The following NEGR1 variants were observed in gnomAD, a reference collection of about 807,000 sequenced individuals.
NEGR1 encodes neuronal growth regulator 1.
In NEGR1, 10 loss-of-function variants were observed where a neutral mutation model predicts 40.9. That is an observed-to-expected ratio of 0.24 (90% CI 0.15 to 0.42). The LOEUF (loss-of-function observed/expected upper bound fraction) is 0.42. Among genes scored for constraint, NEGR1 ranks in the 10% least tolerant of loss-of-function variants. The pLI, the probability that NEGR1 is intolerant of heterozygous loss-of-function variation, is 1.00. For synonymous variants in NEGR1, 185 were observed against 166.8 expected (o/e 1.11, Z -0.84); for missense variants, 352 against 438.9 (o/e 0.80, Z 1.77).
intron 1 of NEGR1, among the ~76,000 whole-genome samples, chr1:72,242,498 T>G (rs1415528604): frequency 1.3e-5 from 2 of 151,692 alleles, no homozygotes; most frequent in Non-Finnish European, 3.0e-5. Context: ...TTGACTGATT[T>G]TAGGTCCCTA....
At chr1:72,111,974 C>T (rs891629394) in intron 1 of NEGR1, among the ~76,000 whole-genome samples, 4 of 151,652 alleles carry the variant, frequency 2.6e-5, no homozygotes, top group South Asian at 2.1e-4. Flanking sequence ...ACTTAGGTGA[C>T]GATCATTAAG....
At chr1:71,783,991 A>C (rs1384706827) in intron 2 of NEGR1, among the ~76,000 whole-genome samples, 1 of 152,062 alleles carries the variant, frequency 6.6e-6, no homozygotes, top group Non-Finnish European at 1.5e-5. Flanking sequence ...TCCTACAAAG[A>C]CTTATTCCCA....
chr1:72,025,189 T>A (rs1014927429), intron 1 of NEGR1, among the ~76,000 whole-genome samples: 1 of 152,192 alleles, frequency 6.6e-6, no homozygotes, highest in Non-Finnish European at 1.5e-5. Context: ...AACGTTTACA[T>A]TGACTCCATC....
chr1:71,797,702 T>G (rs1021585351), intron 2 of NEGR1, among the ~76,000 whole-genome samples: 16 of 152,154 alleles, frequency 1.1e-4, no homozygotes, highest in African/African-American at 3.6e-4. Context: ...TCCTGTTTTC[T>G]TTTTTTAAGT....
At chr1:72,001,159 T>C (rs1276604465) in intron 1 of NEGR1, among the ~76,000 whole-genome samples, 4 of 152,220 alleles carry the variant, frequency 2.6e-5, no homozygotes, top group Middle Eastern at 6.8e-3. Flanking sequence ...CCAGACCTCA[T>C]CGGCTTCTTA....
intron 3 of NEGR1, among the ~76,000 whole-genome samples, chr1:71,745,991 C>T (rs968906208): frequency 1.3e-5 from 2 of 152,164 alleles, no homozygotes; most frequent in Non-Finnish European, 2.9e-5. Context: ...CTAAACAGAC[C>T]TTGCTGAGTT....
chr1:72,130,423 T>C (rs986208857), intron 1 of NEGR1, among the ~76,000 whole-genome samples: 1 of 152,198 alleles, frequency 6.6e-6, no homozygotes, highest in Non-Finnish European at 1.5e-5. Flanking sequence ...CTTCCAGATA[T>C]ACTGGAGTAC....
At chr1:71,942,705 T>C (rs1645977699) in intron 1 of NEGR1, among the ~76,000 whole-genome samples, 1 of 141,610 alleles carries the variant, frequency 7.1e-6, no homozygotes. Context: ...GGTTTCACCG[T>C]TTTAGCCGGG....
chr1:71,727,904 G>T (rs1263317948), intron 3 of NEGR1, among the ~76,000 whole-genome samples: 1 of 152,126 alleles, frequency 6.6e-6, no homozygotes, highest in East Asian at 1.9e-4. Context: ...GCGAAGCCTT[G>T]TAAGTATGAA....
intron 1 of NEGR1, among the ~76,000 whole-genome samples, chr1:71,970,641 T>C (rs891569616): frequency 6.6e-6 from 1 of 151,980 alleles, no homozygotes; most frequent in African/African-American, 2.4e-5. Context: ...TGAGCCGAGA[T>C]AGTGCCACTG....
intron 6 of NEGR1, among the ~76,000 whole-genome samples, chr1:71,455,579 G>T (rs1490534924): frequency 6.6e-6 from 1 of 152,130 alleles, no homozygotes; most frequent in African/African-American, 2.4e-5. Context: ...CAAAAAATCA[G>T]CTGGGCGTGG....
At chr1:71,743,064 C>T (rs1313799080) in intron 3 of NEGR1, among the ~76,000 whole-genome samples, 5 of 152,126 alleles carry the variant, frequency 3.3e-5, no homozygotes, top group Non-Finnish European at 7.3e-5. Flanking sequence ...ATCTGCAACC[C>T]GGGAAGAGGG....
At chr1:71,809,667 T>C (rs1466545174) in intron 2 of NEGR1, among the ~76,000 whole-genome samples, 3 of 152,158 alleles carry the variant, frequency 2.0e-5, no homozygotes, top group African/African-American at 4.8e-5. Context: ...AACTATTCTC[T>C]GACTTCATAG....
chr1:71,748,602 T>C (rs1259294066), intron 3 of NEGR1, among the ~76,000 whole-genome samples: 3 of 152,172 alleles, frequency 2.0e-5, no homozygotes, highest in Non-Finnish European at 2.9e-5. Flanking sequence ...TTTGCATATT[T>C]ACTTATAATA....
At chr1:72,095,809 A>G (rs908670444) in intron 1 of NEGR1, among the ~76,000 whole-genome samples, 1 of 152,102 alleles carries the variant, frequency 6.6e-6, no homozygotes, top group African/African-American at 2.4e-5. Flanking sequence ...AGCCAATCTC[A>G]GGTTAGGAAT....
chr1:71,870,391 A>G (rs1660247041), intron 2 of NEGR1, among the ~76,000 whole-genome samples: 1 of 152,192 alleles, frequency 6.6e-6, no homozygotes, highest in African/African-American at 2.4e-5. Flanking sequence ...TGCAATTTAT[A>G]GTTATAGAAA....
chr1:71,714,785 G>T (rs1393790840), intron 3 of NEGR1, among the ~76,000 whole-genome samples: 2 of 152,206 alleles, frequency 1.3e-5, no homozygotes, highest in Non-Finnish European at 2.9e-5. Context: ...GGGTACAGCT[G>T]CTCTCCCAGC....
chr1:72,275,307 G>A (rs925744339), intron 1 of NEGR1: 41 of 427,516 alleles, frequency 9.6e-5, no homozygotes, highest in Non-Finnish European at 1.7e-4. Flanking sequence ...AACTCAATTT[G>A]ATAATGATTA....
At chr1:72,190,724 T>C (rs1253798299) in intron 1 of NEGR1, among the ~76,000 whole-genome samples, 8 of 151,742 alleles carry the variant, frequency 5.3e-5, no homozygotes, top group Admixed American at 4.0e-4. Context: ...TTTGATAATG[T>C]ACCTGAATAG....
Sources: gnomAD v4.1 joint callset for allele counts (sites outside exome capture counted in the v4.1 genomes callset) on GRCh38, gnomAD v4.1.1 for gene constraint, MANE v1.5 for transcripts, NCBI Gene and HGNC (gene_info 2026-07-23, HGNC 2026-07-21) for gene names.